The following ITSN2 variants were observed in gnomAD, a reference collection of about 807,000 sequenced individuals.
ITSN2 encodes the protein intersectin-2.
ITSN2 carries 156 observed loss-of-function variants against 243.7 expected under a neutral mutation model. The observed-to-expected ratio is 0.64, with a 90% CI of 0.56 to 0.73. ITSN2 has a LOEUF of 0.73. Among genes scored for constraint, ITSN2 ranks in the 30% least tolerant of loss-of-function variants. The pLI, the probability that ITSN2 is intolerant of heterozygous loss-of-function variation, is 0.00. For synonymous variants in ITSN2, 703 were observed against 699.9 expected (o/e 1.00, Z -0.07); for missense variants, 1,801 against 1,996.1 (o/e 0.90, Z 1.86).
intron 34 of ITSN2, among the ~76,000 whole-genome samples, chr2:24,210,572 G>A (rs936449710): frequency 1.5e-5 from 2 of 134,930 alleles, no homozygotes; most frequent in Non-Finnish European, 3.1e-5. Context: ...AGATGATCTC[G>A]CCACTGCACT....
intron 29 of ITSN2, among the ~76,000 whole-genome samples, chr2:24,231,354 T>G (rs1366041488): frequency 6.6e-6 from 1 of 152,166 alleles, no homozygotes; most frequent in Non-Finnish European, 1.5e-5. Flanking sequence ...GAATGTGATG[T>G]GAAGATACAC....
intron 2 of ITSN2, among the ~76,000 whole-genome samples, chr2:24,318,305 C>G (rs1190517475): frequency 2.0e-5 from 3 of 152,112 alleles, no homozygotes; most frequent in Admixed American, 2.0e-4. Flanking sequence ...GCGACTACAG[C>G]TGGCTAATTT....
intron 2 of ITSN2, among the ~76,000 whole-genome samples, chr2:24,326,141 C>T (rs1482677306): frequency 1.3e-5 from 2 of 152,104 alleles, no homozygotes; most frequent in Non-Finnish European, 2.9e-5. Context: ...CGTCAATCTT[C>T]TAAGTAGGAA....
chr2:24,301,632 C>A (rs528805995), intron 10 of ITSN2, among the ~76,000 whole-genome samples: 88 of 151,138 alleles, frequency 5.8e-4, no homozygotes, highest in Non-Finnish European at 1.1e-3. Context: ...CTCCAGTGAT[C>A]CTCCTGCCCC....
intron 29 of ITSN2, among the ~76,000 whole-genome samples, chr2:24,228,128 G>T (rs1671223782): frequency 6.6e-6 from 1 of 152,084 alleles, no homozygotes; most frequent in African/African-American, 2.4e-5. Context: ...AGAACACCAA[G>T]GAGGGAAGAA....
chr2:24,318,546 A>C (rs1293973467), intron 2 of ITSN2, among the ~76,000 whole-genome samples: 1 of 152,232 alleles, frequency 6.6e-6, no homozygotes, highest in Non-Finnish European at 1.5e-5. Context: ...ACTTTAAAGT[A>C]AGATAGTGTG....
chr2:24,327,519 G>A (rs1022162044), intron 2 of ITSN2, among the ~76,000 whole-genome samples: 2 of 151,834 alleles, frequency 1.3e-5, no homozygotes, highest in Non-Finnish European at 1.5e-5. Context: ...GGCTGGTCTC[G>A]AACTCCTGAC....
Position 24,318,302 on chromosome 2 carries a change from C to T in ITSN2, c.32-3078G>A, listed in dbSNP as rs186096880. Among the ~76,000 whole-genome samples, 7 of 152,234 alleles carry T rather than the reference C, an allele frequency of 4.6e-5. No individual in the cohort carries two copies. The East Asian group carries it at 1.2e-3, about 25-fold the overall frequency. On this transcript the variant is annotated intron_variant, in intron 2 of 39. Transcript: ENST00000355123. Reference sequence around the variant, plus strand: ...CTGGGACTACAGGTACGTGCGACTACAGCTGGCTAATTTTTGTATTTTTTG... The same window carrying T: ...CTGGGACTACAGGTACGTGCGACTATAGCTGGCTAATTTTTGTATTTTTTG...
At chr2:24,353,650 G>T (rs1688207101) in intron 1 of ITSN2, among the ~76,000 whole-genome samples, 1 of 152,110 alleles carries the variant, frequency 6.6e-6, no homozygotes, top group Non-Finnish European at 1.5e-5. Context: ...ATTAAATAGG[G>T]TGCTTGCAGG....
At chr2:24,328,544 C>T (rs183403246) in intron 1 of ITSN2, among the ~76,000 whole-genome samples, 1 of 151,826 alleles carries the variant, frequency 6.6e-6, no homozygotes, top group Admixed American at 6.6e-5. Flanking sequence ...CTCACTGCAA[C>T]CTCTGCCTCC....
chr2:24,333,237 C>T (rs1685983157), intron 1 of ITSN2, among the ~76,000 whole-genome samples: 1 of 152,192 alleles, frequency 6.6e-6, no homozygotes, highest in Non-Finnish European at 1.5e-5. Flanking sequence ...CTACAAACAG[C>T]AGGAGAACTT....
chr2:24,347,104 C>G (rs1687607865), intron 1 of ITSN2, among the ~76,000 whole-genome samples: 1 of 152,024 alleles, frequency 6.6e-6, no homozygotes. Context: ...ACCTTGTGAT[C>G]TGCCGACCTC....
intron 2 of ITSN2, among the ~76,000 whole-genome samples, chr2:24,327,811 T>C (rs1346374921): frequency 3.9e-5 from 6 of 152,196 alleles, no homozygotes; most frequent in Non-Finnish European, 8.8e-5. Flanking sequence ...TCAAACACAA[T>C]ATACCTTTTG....
At chr2:24,356,182 A>G (rs1688424854) in intron 1 of ITSN2, among the ~76,000 whole-genome samples, 1 of 142,734 alleles carries the variant, frequency 7.0e-6, no homozygotes, top group South Asian at 2.3e-4. Context: ...AGCCTGGGGG[A>G]CAAGAGCGAG....
In ITSN2 at chr2:24,254,356, C is replaced by CA; in HGVS notation, c.2953+10dup. On this transcript the variant is annotated intron_variant, in intron 24 of 39. Coordinates refer to ENST00000355123, the MANE Select transcript of ITSN2 (RefSeq NM_006277.3). ...GATTACCATCTAATTTACAAATTGC[C>CA]AAAAGCTTACCTTCTCCAACTGAAT... 1 of 1,602,492 alleles carries CA rather than the reference C, an allele frequency of 6.2e-7. No individual in the cohort carries two copies. Among genetic ancestry groups the CA allele is most frequent in the Non-Finnish European group, 8.5e-7 (1 of 1,170,026 alleles).
At chr2:24,306,208 G>A (rs1486729349) in intron 8 of ITSN2, among the ~76,000 whole-genome samples, 1 of 151,954 alleles carries the variant, frequency 6.6e-6, no homozygotes, top group Non-Finnish European at 1.5e-5. Flanking sequence ...TCAAACTCCT[G>A]ACCTCAAGTG....
At chr2:24,345,036 C>T (rs1687396250) in intron 1 of ITSN2, among the ~76,000 whole-genome samples, 1 of 152,112 alleles carries the variant, frequency 6.6e-6, no homozygotes, top group African/African-American at 2.4e-5. Flanking sequence ...ATTATCACCT[C>T]AACATATGAT....
intron 15 of ITSN2, among the ~76,000 whole-genome samples, chr2:24,288,905 A>G (rs377324611): frequency 1.3e-5 from 2 of 152,148 alleles, no homozygotes; most frequent in African/African-American, 4.8e-5. Context: ...AAATAAATGA[A>G]ATCATACCGT....
chr2:24,272,877 A>G (rs1677541766), intron 18 of ITSN2, among the ~76,000 whole-genome samples: 1 of 152,186 alleles, frequency 6.6e-6, no homozygotes, highest in Non-Finnish European at 1.5e-5. Flanking sequence ...AGTCAAGGTG[A>G]TCTGTGATCA....
Sources: gnomAD v4.1 joint callset for allele counts (sites outside exome capture counted in the v4.1 genomes callset) on GRCh38, gnomAD v4.1.1 for gene constraint, MANE v1.5 for transcripts, NCBI Gene and HGNC (gene_info 2026-07-23, HGNC 2026-07-21) for gene names.